MTHFD2L: variants seen among roughly 807,000 people sequenced by gnomAD.
MTHFD2L encodes the protein bifunctional methylenetetrahydrofolate dehydrogenase/cyclohydrolase 2, mitochondrial.
A neutral mutation model predicts 34.9 loss-of-function variants in MTHFD2L; 29 were observed. The ratio of observed to expected loss-of-function variants is 0.83; its 90% confidence interval spans 0.62 to 1.13. MTHFD2L has a LOEUF of 1.13. Among genes scored for constraint, MTHFD2L ranks in the 50% most tolerant of loss-of-function variants. The pLI, the probability that MTHFD2L is intolerant of heterozygous loss-of-function variation, is 0.00. For synonymous variants in MTHFD2L, 167 were observed against 155.7 expected (o/e 1.07, Z -0.54); for missense variants, 481 against 446.5 (o/e 1.08, Z -0.70).
intron 6 of MTHFD2L, among the ~76,000 whole-genome samples, chr4:74,248,374 A>G (rs981459485): frequency 6.6e-6 from 1 of 151,566 alleles, no homozygotes; most frequent in Non-Finnish European, 1.5e-5. Flanking sequence ...TCTCTCTTTT[A>G]TTCTTTATTA....
rs1337867858 is a variant in MTHFD2L at position 74,158,156 on chromosome 4, C to T, written c.18C>T (p.Arg6=). ...CCGCGGCCATGACGGTGCCGGTCCG[C>T]GGCTTCTCGCTGCTCCGCGGCCGCC... is the stretch of plus-strand genomic sequence containing the variant. MTVPV[R]GFSLLRGRLG... Residue 6 remains arginine, a synonymous_variant, in exon 1 of 8, where the codon CGC becomes CGT. Transcript: ENST00000325278. The T allele has an allele frequency of 6.5e-7, 1 of 1,530,020 alleles. No homozygotes were observed. The highest frequency in any genetic ancestry group is 8.8e-7 in the Non-Finnish European group (1 of 1,140,032). The allele number at this position is 1,530,020 out of a possible 1,614,324, so 94.8% of individuals were successfully genotyped here. A position where few individuals can be genotyped will look rare whatever the true frequency, so the allele number is the denominator to read the frequency against.
At chr4:74,289,392 A>G (rs999859177) in intron 7 of MTHFD2L, among the ~76,000 whole-genome samples, 11 of 152,312 alleles carry the variant, frequency 7.2e-5, no homozygotes, top group Non-Finnish European at 1.2e-4. Flanking sequence ...ATGAGCTGCA[A>G]GGGGGCCATT....
intron 1 of MTHFD2L, among the ~76,000 whole-genome samples, chr4:74,135,689 G>A (rs1722855442): frequency 2.9e-5 from 1 of 34,754 alleles, no homozygotes; most frequent in African/African-American, 1.0e-4. Flanking sequence ...AACCAGACAA[G>A]GACACATTTT....
intron 6 of MTHFD2L, among the ~76,000 whole-genome samples, chr4:74,230,553 G>A (rs1314117098): frequency 6.8e-6 from 1 of 146,040 alleles, no homozygotes; most frequent in South Asian, 2.2e-4. Context: ...TCACACCACT[G>A]CACTCCAGCC....
intron 6 of MTHFD2L, among the ~76,000 whole-genome samples, chr4:74,274,885 G>A (rs989302153): frequency 2.6e-5 from 4 of 152,102 alleles, no homozygotes; most frequent in African/African-American, 9.7e-5. Flanking sequence ...ACATGTTAGG[G>A]TGTGGGGGCA....
At chr4:74,268,211 T>G (rs1745548789) in intron 6 of MTHFD2L, 1 of 982,182 alleles carries the variant, frequency 1.0e-6, no homozygotes, top group Admixed American at 6.4e-5. Context: ...GCTCTATTTA[T>G]CTAGGATGCA....
At position 74,225,366 on chromosome 4, in the gene MTHFD2L, G is replaced by A. The variant is rs200101639; in HGVS notation, c.777G>A (p.Gln259=). 3.7e-5 allele frequency: 59 copies of A among 1,613,070 alleles called. No individual in the cohort carries two copies. The highest frequency in any genetic ancestry group is 4.4e-5 in the Non-Finnish European group (52 of 1,179,274). Residue 259 remains glutamine (Q), a synonymous_variant, in exon 6 of 8, where the codon CAG becomes CAA. Transcript: ENST00000325278. ...TPKEQLKIHT[Q]LADIIIVAAG... is the part of the protein sequence containing the mutation. ...AAGAGCAACTGAAGATTCATACGCA[G>A]CTGGCAGATATTATCATAGTTGCTG... is the stretch of plus-strand genomic sequence containing the variant.
upstream of MTHFD2L, among the ~76,000 whole-genome samples, chr4:74,153,372 G>A (rs1043554206): frequency 6.6e-6 from 1 of 152,160 alleles, no homozygotes; most frequent in Non-Finnish European, 1.5e-5. Flanking sequence ...TAATTACATG[G>A]ACGCATATAT....
intron 7 of MTHFD2L, among the ~76,000 whole-genome samples, chr4:74,294,128 C>G (rs534094968): frequency 6.6e-6 from 1 of 152,148 alleles, no homozygotes; most frequent in African/African-American, 2.4e-5. Context: ...CAACACAATA[C>G]TATAGGAACG....
intron 5 of MTHFD2L, among the ~76,000 whole-genome samples, chr4:74,218,553 A>G (rs963816684): frequency 1.3e-5 from 2 of 152,128 alleles, no homozygotes; most frequent in African/African-American, 4.8e-5. Flanking sequence ...TGAATAAATG[A>G]AGGTAGGGAA....
Position 74,225,391 on chromosome 4 carries a change from G to T in MTHFD2L, c.802G>T (p.Ala268Ser). 3.7e-6 allele frequency: 6 copies of T among 1,611,842 alleles called. No homozygotes were observed. Among genetic ancestry groups the T allele is most frequent in the Non-Finnish European group, 5.1e-6 (6 of 1,178,272 alleles). ...TQLADIIIVA[A>S]GIPKLITSDM... ...GCTGGCAGATATTATCATAGTTGCT[G>T]CAGGTAAGTCCTTAGTGACTGTTAT... The change falls in exon 6 of 8, where the codon GCA becomes TCA. Residue 268 changes from alanine (A) to serine (S), a missense_variant. Coordinates refer to ENST00000325278, the MANE Select transcript of MTHFD2L (RefSeq NM_001144978.3).
At chr4:74,159,741 T>G (rs1201662792) in intron 1 of MTHFD2L, among the ~76,000 whole-genome samples, 1 of 152,256 alleles carries the variant, frequency 6.6e-6, no homozygotes, top group Non-Finnish European at 1.5e-5. Context: ...AATAGTTGAG[T>G]GCAAAGGTTT....
chr4:74,301,657 T>G (rs964962975), intron 7 of MTHFD2L, 40 bp from the exon 8 acceptor site: 17 of 1,219,658 alleles, frequency 1.4e-5, no homozygotes, highest in Non-Finnish European at 1.7e-5. Flanking sequence ...CTCAGATATT[T>G]TAAAATAAAG....
intron 5 of MTHFD2L, among the ~76,000 whole-genome samples, chr4:74,208,251 C>G (rs1368880002): frequency 2.0e-5 from 3 of 152,064 alleles, no homozygotes; most frequent in African/African-American, 7.2e-5. Flanking sequence ...GTTCTATTCT[C>G]ATTTTCTAAA....
At position 74,187,800 on chromosome 4, in the gene MTHFD2L, TAC is replaced by T. The variant is rs61173269; in HGVS notation, c.452-11960_452-11959del. 3.8e-3 allele frequency among the ~76,000 whole-genome samples: 549 copies of T among 144,372 alleles called. 5 individuals are homozygous for T. Among genetic ancestry groups the T allele is most frequent in the African/African-American group, 0.014 (512 of 36,564 alleles). The allele number at this position is 144,372 out of a possible 152,430, so 94.7% of individuals were successfully genotyped here. A position where few individuals can be genotyped will look rare whatever the true frequency, so the allele number is the denominator to read the frequency against. On this transcript the variant is annotated intron_variant, in intron 3 of 7. Transcript: ENST00000325278. ...TCCAGCCATTCTGTGCCTGTGTATTTACACACACACACACACACACACACACA... is the reference window on the plus strand; with the variant it reads ...TCCAGCCATTCTGTGCCTGTGTATTTACACACACACACACACACACACACA...
At chr4:74,267,673 G>C (rs772431350) in intron 6 of MTHFD2L, 9 of 976,432 alleles carry the variant, frequency 9.2e-6, no homozygotes, top group Non-Finnish European at 1.1e-5. Flanking sequence ...GGGCTCTGGC[G>C]ATCCTCCCAC....
At chr4:74,301,532 CGTGT>C (rs72168468) in intron 7 of MTHFD2L, among the ~76,000 whole-genome samples, 161 bp from the exon 8 acceptor site, 4,796 of 146,070 alleles carry the variant, frequency 0.033, 194 homozygotes, top group African/African-American at 0.092. Flanking sequence ...TGAGTGTGAG[CGTGT>C]GTGTGTGTGT....
chr4:74,215,367 CTG>C (rs1260596404), intron 5 of MTHFD2L, among the ~76,000 whole-genome samples: 1 of 151,852 alleles, frequency 6.6e-6, no homozygotes, highest in Non-Finnish European at 1.5e-5. Context: ...GTTGCGAAGA[CTG>C]TGGGAAAAGC....
In MTHFD2L at chr4:74,217,956, CA is replaced by C. The variant is rs139373556; in HGVS notation, c.713-7345del. On this transcript the variant is annotated intron_variant, in intron 5 of 7. Coordinates refer to ENST00000325278, the MANE Select transcript of MTHFD2L (RefSeq NM_001144978.3). Reference sequence around the variant, plus strand: ...TCTTCCCTGACACCTTCACCTGCCCCATGCCCTTCTCAGATGGAGTAAATAA... The same window carrying C: ...TCTTCCCTGACACCTTCACCTGCCCCTGCCCTTCTCAGATGGAGTAAATAA... Among the ~76,000 whole-genome samples the C allele has an allele frequency of 4.3e-3, 648 of 152,234 alleles. 4 individuals are homozygous for C. Among genetic ancestry groups the C allele is most frequent in the African/African-American group, 0.014 (581 of 41,554 alleles).
Sources: allele counts gnomAD v4.1 joint callset (sites outside exome capture counted in the v4.1 genomes callset), GRCh38; gene constraint gnomAD v4.1.1; transcripts MANE v1.5; gene names NCBI Gene and HGNC (gene_info 2026-07-23, HGNC 2026-07-21).